The following FN3KRP variants were observed in gnomAD, a reference collection of about 807,000 sequenced individuals.
FN3KRP encodes ketosamine-3-kinase.
FN3KRP carries 33 observed loss-of-function variants against 29.8 expected under a neutral mutation model. The observed-to-expected ratio is 1.11, with a 90% CI of 0.84 to 1.48. The LOEUF (loss-of-function observed/expected upper bound fraction) is 1.48. Ranked by LOEUF, FN3KRP falls within the 40% of genes most tolerant of loss-of-function variation. The probability of loss-of-function intolerance (pLI) is 0.00; values close to 1 mark genes in which losing one functional copy is unlikely to be tolerated. For synonymous variants in FN3KRP, 157 were observed against 155.2 expected (o/e 1.01, Z -0.09); for missense variants, 430 against 402.6 (o/e 1.07, Z -0.58).
Position 82,718,931 on chromosome 17 carries a change from T to C in FN3KRP, c.167T>C (p.Met56Thr). The C allele has an allele frequency of 6.2e-7, 1 of 1,614,080 alleles. No individual in the cohort carries two copies. The highest frequency in any genetic ancestry group is 8.5e-7 in the Non-Finnish European group (1 of 1,179,930). The change falls in exon 2 of 6, where the codon ATG (methionine) becomes ACG (threonine). Residue 56 changes from methionine to threonine, a missense_variant. Transcript: ENST00000269373. The stretch of plus-strand genomic sequence containing the variant: ...GCCAGAAGAATGTTTGAAGGTGAGA[T>C]GGCAAGTTTAACTGCCATCCTGAAA... The part of the protein sequence containing the change: ...AEARRMFEGE[M>T]ASLTAILKTN...
intron 2 of FN3KRP, 50 bp from the exon 3 acceptor site, chr17:82,720,222 G>T (rs2046788822): frequency 6.8e-7 from 1 of 1,478,546 alleles, no homozygotes; most frequent in Non-Finnish European, 9.4e-7. Flanking sequence ...CAGTGGGTGT[G>T]TTGCCATTCT....
chr17:82,724,807 A>C (rs1045658584), intron 4 of FN3KRP, among the ~76,000 whole-genome samples: 2 of 150,850 alleles, frequency 1.3e-5, no homozygotes, highest in African/African-American at 4.9e-5. Context: ...AATGCCTATC[A>C]AAAAAAAAAT....
chr17:82,723,527 G>C (rs964064216), intron 4 of FN3KRP, among the ~76,000 whole-genome samples: 24 of 152,162 alleles, frequency 1.6e-4, no homozygotes, highest in Non-Finnish European at 3.2e-4. Flanking sequence ...GTGTGCATAT[G>C]TGTATTTGTG....
rs906160589 is a variant in FN3KRP, at chr17:82,721,843, G to GT, written c.386-953dup. On this transcript the variant is annotated intron_variant, in intron 3 of 5. Coordinates refer to ENST00000269373, the MANE Select transcript of FN3KRP (RefSeq NM_024619.4). ...TGTTTTTTATGTTTTGTTTTGTTTTGTTTTTTTTGAAATGGAGTTTTGCTC... is the reference window on the plus strand; with the variant it reads ...TGTTTTTTATGTTTTGTTTTGTTTTGTTTTTTTTTGAAATGGAGTTTTGCTC... Among the ~76,000 whole-genome samples, 17 of 145,932 alleles carry GT rather than the reference G, an allele frequency of 1.2e-4. No homozygotes were observed. The South Asian group carries it at 2.8e-3, about 24-fold the overall frequency.
chr17:82,722,763 C>T (rs773401531), intron 3 of FN3KRP, 41 bp from the exon 4 acceptor site: 2 of 1,595,312 alleles, frequency 1.3e-6, no homozygotes, highest in South Asian at 2.2e-5. Context: ...GCGCTGGGAT[C>T]CCTTGGAACT....
intron 4 of FN3KRP, 29 bp downstream of exon 4, chr17:82,722,915 A>ACAAT (rs757981368): frequency 4.4e-6 from 7 of 1,603,300 alleles, no homozygotes; most frequent in Non-Finnish European, 6.0e-6. Flanking sequence ...CTTCTATTTC[A>ACAAT]CAATCAGGTC....
intron 4 of FN3KRP, among the ~76,000 whole-genome samples, chr17:82,724,973 T>TG (rs1302325009): frequency 4.1e-4 from 1 of 2,442 alleles, no homozygotes; most frequent in African/African-American, 5.5e-4. Context: ...CATGCCCGGC[T>TG]AATTTTTTTT....
intron 3 of FN3KRP, 116 bp from the exon 4 acceptor site, chr17:82,722,688 C>A: frequency 1.1e-6 from 1 of 898,714 alleles, no homozygotes; most frequent in Non-Finnish European, 1.7e-6. Flanking sequence ...TTGTCTCTGG[C>A]AGGGGCATAA....
In FN3KRP at chr17:82,726,518, C is replaced by T. The variant is rs759202660; in HGVS notation, c.507C>T (p.Ala169=). ...AGGAGGACTGGGTCGTGTTCTATGCCCGGCAGCGCATTCAGCCCCAGATGG... is the reference window on the plus strand; with the variant it reads ...AGGAGGACTGGGTCGTGTTCTATGCTCGGCAGCGCATTCAGCCCCAGATGG... ...DWQEDWVVFY[A]RQRIQPQMDM... Residue 169 remains alanine, a synonymous_variant, in exon 5 of 6, where the codon GCC becomes GCT. Transcript: ENST00000269373. The T allele has an allele frequency of 6.2e-7, 1 of 1,614,146 alleles. No homozygotes were observed. The highest frequency in any genetic ancestry group is 8.5e-7 in the Non-Finnish European group (1 of 1,180,020).
Position 82,727,365 on chromosome 17 carries a change from A to G in FN3KRP, c.*194A>G, listed in dbSNP as rs992069694. On this transcript the variant is annotated 3_prime_UTR_variant, in exon 6 of 6. Transcript: ENST00000269373. ...GTCCACTTTGTGGGGCTTTGTAGGT[A>G]GACGGAGCCACACTACAGGCAGGGT... is the stretch of plus-strand genomic sequence containing the variant. The G allele has an allele frequency of 3.5e-6, 2 of 564,876 alleles. No individual in the cohort carries two copies. Among genetic ancestry groups the G allele is most frequent in the African/African-American group, 1.9e-5 (1 of 53,408 alleles). 35.0% of individuals were successfully genotyped at this position (564,876 alleles called of 1,614,324 possible).
Position 82,716,800 on chromosome 17 carries a change from G to C in FN3KRP, c.45G>C (p.Arg15Ser), listed in dbSNP as rs2046757329. 1.3e-6 allele frequency: 2 copies of C among 1,549,570 alleles called. No homozygotes were observed. The highest frequency in any genetic ancestry group is 2.4e-5 in the South Asian group (2 of 83,728). The part of the protein sequence containing the change: ...LRRELGCSSV[R>S]ATGHSGGGCI... Reference sequence around the variant, plus strand: ...GCGAGCTGGGCTGCAGCTCTGTCAGGGCCACGGGCCACTCGGGGGGCGGGT... The same window carrying C: ...GCGAGCTGGGCTGCAGCTCTGTCAGCGCCACGGGCCACTCGGGGGGCGGGT... The change falls in exon 1 of 6, where the codon AGG becomes AGC. Residue 15 changes from arginine to serine, a missense_variant. Coordinates refer to ENST00000269373, the MANE Select transcript of FN3KRP (RefSeq NM_024619.4).
chr17:82,721,240 A>T (rs140408109), intron 3 of FN3KRP, among the ~76,000 whole-genome samples: 269 of 152,098 alleles, frequency 1.8e-3, no homozygotes, highest in Non-Finnish European at 3.3e-3. Flanking sequence ...GGTGCATGCC[A>T]CTGTGCCCAC....
chr17:82,719,217 C>A (rs1449374366), intron 2 of FN3KRP, among the ~76,000 whole-genome samples, 160 bp downstream of exon 2: 1 of 151,898 alleles, frequency 6.6e-6, no homozygotes, highest in Non-Finnish European at 1.5e-5. Context: ...ATGCCCCGCC[C>A]CGGCTGGCTT....
chr17:82,726,662 G>A lies in FN3KRP; in HGVS notation c.591+60G>A, dbSNP rs2046839898. The stretch of plus-strand genomic sequence containing the variant: ...CACACACCCCACTTGCCTGAGGTAG[G>A]GGAGGCACCAAGGCAGGTGAGGCCA... On this transcript the variant is annotated intron_variant, in intron 5 of 5. Coordinates refer to ENST00000269373, the MANE Select transcript of FN3KRP (RefSeq NM_024619.4). The A allele has an allele frequency of 1.9e-6, 3 of 1,565,320 alleles. No homozygotes were observed. In the South Asian group the frequency reaches 3.6e-5, roughly 19 times the overall value.
chr17:82,725,509 G>C (rs1012510819), intron 4 of FN3KRP, among the ~76,000 whole-genome samples: 2 of 151,888 alleles, frequency 1.3e-5, no homozygotes, highest in African/African-American at 4.8e-5. Context: ...GAGTGCAGTG[G>C]TGCGATCTTG....
intron 1 of FN3KRP, among the ~76,000 whole-genome samples, chr17:82,717,592 G>T (rs2046766805): frequency 6.6e-6 from 1 of 152,178 alleles, no homozygotes; most frequent in Admixed American, 6.5e-5. Context: ...GGTGGCGGGC[G>T]CCTGTAATCC....
At chr17:82,725,582 T>C (rs1568062179) in intron 4 of FN3KRP, among the ~76,000 whole-genome samples, 1 of 152,242 alleles carries the variant, frequency 6.6e-6, no homozygotes, top group African/African-American at 2.4e-5. Flanking sequence ...CCTGTGTGAC[T>C]GGGATTACAG....
At position 82,716,906 on chromosome 17, in the gene FN3KRP, C is replaced by CG. The variant is rs2046759095; in HGVS notation, c.141+13dup. On this transcript the variant is annotated intron_variant, in intron 1 of 5. Coordinates refer to ENST00000269373, the MANE Select transcript of FN3KRP (RefSeq NM_024619.4). ...GAACCCCAAGGCGGAGGTCAGGCAG[C>CG]GGGTCGGGCGGGCCGGGGGACCGGT... is the stretch of plus-strand genomic sequence containing the variant. The CG allele has an allele frequency of 7.8e-7, 1 of 1,279,006 alleles. No individual in the cohort carries two copies. The highest frequency in any genetic ancestry group is 2.9e-5 in the East Asian group (1 of 34,932). 79.2% of individuals were successfully genotyped at this position (1,279,006 alleles called of 1,614,324 possible).
At chr17:82,723,675 A>G (rs977940036) in intron 4 of FN3KRP, among the ~76,000 whole-genome samples, 1 of 151,418 alleles carries the variant, frequency 6.6e-6, no homozygotes, top group Non-Finnish European at 1.5e-5. Flanking sequence ...GCGCACATGT[A>G]TGTGTGCAGG....
Sources: allele counts gnomAD v4.1 joint callset (sites outside exome capture counted in the v4.1 genomes callset), GRCh38; gene constraint gnomAD v4.1.1; transcripts MANE v1.5; gene names NCBI Gene and HGNC (gene_info 2026-07-23, HGNC 2026-07-21).